Variants in SLC25A28 observed in about 807,000 individuals in gnomAD.
SLC25A28 encodes the protein mitoferrin-2.
A neutral mutation model predicts 31.9 loss-of-function variants in SLC25A28; 10 were observed. The ratio of observed to expected loss-of-function variants is 0.31; its 90% CI spans 0.19 to 0.53. SLC25A28 has a LOEUF of 0.53. Among genes scored for constraint, SLC25A28 ranks in the 20% least tolerant of loss-of-function variants. The probability of loss-of-function intolerance (pLI) is 0.95; values close to 1 mark genes in which losing one functional copy is unlikely to be tolerated. For missense variants in SLC25A28, 256 were observed against 490.3 expected (o/e 0.52, Z 4.51); for synonymous variants, 208 against 203.6 (o/e 1.02, Z -0.19).
chr10:99,631,591 G>A, the SLC25A28 span, among the ~76,000 whole-genome samples: 1 of 152,108 alleles, frequency 6.6e-6, no homozygotes, highest in Non-Finnish European at 1.5e-5. Context: ...TAGTAAAAAT[G>A]ATTTTTAAAA....
upstream of SLC25A28, among the ~76,000 whole-genome samples, chr10:99,622,948 G>A (rs1045535774): frequency 2.6e-5 from 4 of 152,176 alleles, no homozygotes; most frequent in African/African-American, 9.7e-5. Context: ...TTAATGATGA[G>A]GGTGGGGAGG....
intron 1 of SLC25A28, chr10:99,617,806 G>A (rs2034692518): frequency 1.0e-6 from 1 of 984,372 alleles, no homozygotes; most frequent in Non-Finnish European, 1.2e-6. Flanking sequence ...AGGCATAACT[G>A]CTATGTTGTA....
Position 99,618,871 on chromosome 10 carries a change from C to A in SLC25A28, c.291+1174G>T, listed in dbSNP as rs1362138100. 3.0e-6 allele frequency: 3 copies of A among 985,250 alleles called. No homozygotes were observed. The African/African-American group carries it at 5.2e-5, about 17-fold the overall frequency. 61.0% of individuals were successfully genotyped at this position (985,250 alleles called of 1,614,324 possible). ...CTACTTTGCCTTTCCCAAGTTGATT[C>A]TCTCCTCCTTTTGAATACATAACAC... is the stretch of plus-strand genomic sequence containing the variant. On this transcript the variant is annotated intron_variant, in intron 1 of 3. Coordinates refer to ENST00000370495, the MANE Select transcript of SLC25A28 (RefSeq NM_031212.4).
At chr10:99,656,594 G>C in the SLC25A28 span, among the ~76,000 whole-genome samples, 1 of 152,166 alleles carries the variant, frequency 6.6e-6, no homozygotes, top group Admixed American at 6.5e-5. Context: ...AATTCCTTTA[G>C]AGGGTAGGGT....
chr10:99,651,112 C>A, the SLC25A28 span, among the ~76,000 whole-genome samples: 1 of 152,164 alleles, frequency 6.6e-6, no homozygotes, highest in Non-Finnish European at 1.5e-5. Context: ...TTGGGGCTCT[C>A]AGTCAGTCCC....
chr10:99,654,657 T>TAACAACAACAAC, the SLC25A28 span, among the ~76,000 whole-genome samples: 1 of 150,660 alleles, frequency 6.6e-6, no homozygotes, highest in Non-Finnish European at 1.5e-5. Flanking sequence ...CCCATCTCAA[T>TAACAACAACAAC]AACAACAACA....
the SLC25A28 span, among the ~76,000 whole-genome samples, chr10:99,640,319 C>T: frequency 1.3e-5 from 2 of 152,222 alleles, no homozygotes; most frequent in Non-Finnish European, 2.9e-5. Context: ...GGCTCACTCA[C>T]ACAGCTGGCA....
the SLC25A28 span, among the ~76,000 whole-genome samples, chr10:99,628,330 G>A: frequency 1.3e-5 from 2 of 152,348 alleles, no homozygotes; most frequent in Non-Finnish European, 1.5e-5. Flanking sequence ...TCTAGGAGAA[G>A]TATGGGGAAA....
intron 1 of SLC25A28, chr10:99,615,434 T>G (rs927756642): frequency 2.0e-6 from 2 of 984,404 alleles, no homozygotes; most frequent in Non-Finnish European, 2.4e-6. Context: ...CTCAAGAGCA[T>G]GGGAGAAAAG....
At chr10:99,629,244 C>G in the SLC25A28 span, among the ~76,000 whole-genome samples, 4 of 152,182 alleles carry the variant, frequency 2.6e-5, no homozygotes, top group Non-Finnish European at 5.9e-5. Flanking sequence ...CCTCCTGCCC[C>G]ATGCCCCTTG....
chr10:99,644,654 G>C, the SLC25A28 span, among the ~76,000 whole-genome samples: 3 of 152,148 alleles, frequency 2.0e-5, no homozygotes, highest in African/African-American at 7.2e-5. Context: ...TAGCATCAAT[G>C]GTCTTTACAA....
the SLC25A28 span, among the ~76,000 whole-genome samples, chr10:99,644,538 C>A: frequency 6.6e-6 from 1 of 152,094 alleles, no homozygotes; most frequent in Non-Finnish European, 1.5e-5. Flanking sequence ...TTAATTGGAG[C>A]GTTTAGCCCA....
At chr10:99,659,085 C>A in the SLC25A28 span, among the ~76,000 whole-genome samples, 22 of 152,214 alleles carry the variant, frequency 1.4e-4, no homozygotes, top group Non-Finnish European at 2.9e-4. This position sits in a 1 kb window ranked among gnomAD's most constrained non-coding sequence, Gnocchi z 4.1. Flanking sequence ...GGGCACAAAA[C>A]CAACAATAGG....
In SLC25A28 at chr10:99,613,159, T is replaced by TC. The variant is rs1156475725; in HGVS notation, c.520+536dup. Among the ~76,000 whole-genome samples the TC allele has an allele frequency of 7.9e-5, 12 of 152,202 alleles. No homozygotes were observed. The highest frequency in any genetic ancestry group is 2.7e-4 in the African/African-American group (11 of 41,448). On this transcript the variant is annotated intron_variant, in intron 2 of 3. Transcript: ENST00000370495. The surrounding 1 kb of genome is among the most constrained non-coding windows in gnomAD (Gnocchi z 4.9). ...CTAGGCTGCTATCCTTTCTCTTACT[T>TC]CCACACAACCTTCTGGTTTCTTCAT...
the SLC25A28 span, among the ~76,000 whole-genome samples, chr10:99,625,730 A>T: frequency 3.3e-5 from 5 of 152,320 alleles, no homozygotes; most frequent in South Asian, 1.0e-3. Context: ...AGGGAAAGTG[A>T]TGTTTGAAAC....
the SLC25A28 span, among the ~76,000 whole-genome samples, chr10:99,645,574 C>A: frequency 6.6e-6 from 1 of 152,224 alleles, no homozygotes; most frequent in Admixed American, 6.5e-5. Flanking sequence ...CAAAGTCATT[C>A]TCCGTCCAGC....
Position 99,619,441 on chromosome 10 carries a change from A to T in SLC25A28, c.291+604T>A, listed in dbSNP as rs902345980. 6.1e-6 allele frequency: 6 copies of T among 983,292 alleles called. No individual in the cohort carries two copies. The African/African-American group carries it at 1.0e-4, about 17-fold the overall frequency. 60.9% of individuals were successfully genotyped at this position (983,292 alleles called of 1,614,324 possible). A position where few individuals can be genotyped will look rare whatever the true frequency, so the allele number is the denominator to read the frequency against. On this transcript the variant is annotated intron_variant, in intron 1 of 3. Transcript: ENST00000370495. Reference sequence around the variant, plus strand: ...GGTATCATGCTTGCTTCACAGAGAAACTGAAACCTATTCCTGAATACGATC... The same window carrying T: ...GGTATCATGCTTGCTTCACAGAGAATCTGAAACCTATTCCTGAATACGATC...
chr10:99,610,966 T>A lies in SLC25A28; in HGVS notation c.978A>T (p.Arg326=). Residue 326 remains arginine (R), a synonymous_variant, in exon 4 of 4, where the codon CGA becomes CGT. Coordinates refer to ENST00000370495, the MANE Select transcript of SLC25A28 (RefSeq NM_031212.4). ...GGTAAATTACTCTGGCCTGCACCCC[T>A]CGGAAATAGGCGGTCACCCCACCTA... ...YQVGGVTAYF[R]GVQARVIYQI... is the part of the protein sequence containing the mutation. 1 of 1,614,172 alleles carries A rather than the reference T, an allele frequency of 6.2e-7. No homozygotes were observed. Among genetic ancestry groups the A allele is most frequent in the Non-Finnish European group, 8.5e-7 (1 of 1,180,022 alleles).
At chr10:99,646,786 G>A in the SLC25A28 span, among the ~76,000 whole-genome samples, 1 of 152,150 alleles carries the variant, frequency 6.6e-6, no homozygotes, top group African/African-American at 2.4e-5. Context: ...AGTGAATATT[G>A]TACCCAACAG....
Sources: allele counts gnomAD v4.1 joint callset (sites outside exome capture counted in the v4.1 genomes callset), GRCh38; gene constraint gnomAD v4.1.1; non-coding constraint Gnocchi (gnomAD v3.1); transcripts MANE v1.5; gene names NCBI Gene and HGNC (gene_info 2026-07-23, HGNC 2026-07-21).